Variants in ATRNL1 observed in about 807,000 individuals in gnomAD.
The protein encoded by ATRNL1 is attractin like 1, also known as attractin-like protein 1.
ATRNL1 carries 95 observed loss-of-function variants against 182.7 expected under a neutral mutation model. The observed-to-expected ratio is 0.52, with a 90% confidence interval of 0.44 to 0.62. The LOEUF (loss-of-function observed/expected upper bound fraction) is 0.62. Ranked by LOEUF, ATRNL1 falls within the 20% of genes least tolerant of loss-of-function variation. The pLI is 0.00. For synonymous variants in ATRNL1, 576 were observed against 568.3 expected, an observed-to-expected ratio of 1.01 and a Z score of -0.19; for missense variants, 1,471 against 1,679.5, an observed-to-expected ratio of 0.88 and a Z score of 2.17.
intron 8 of ATRNL1, among the ~76,000 whole-genome samples, chr10:115,215,325 T>C (rs1243454675): frequency 2.0e-5 from 3 of 152,202 alleles, no homozygotes; most frequent in African/African-American, 7.2e-5. Flanking sequence ...TCATATCATT[T>C]TATCTTTATA....
At chr10:115,380,587 G>A (rs1554950798) in intron 19 of ATRNL1, among the ~76,000 whole-genome samples, 4 of 151,876 alleles carry the variant, frequency 2.6e-5, no homozygotes, top group Non-Finnish European at 1.5e-5. Context: ...TATTTCTATA[G>A]GTTTTATTCT....
At chr10:115,567,772 T>A (rs1555002323) in intron 26 of ATRNL1, among the ~76,000 whole-genome samples, 2 of 152,278 alleles carry the variant, frequency 1.3e-5, no homozygotes, top group East Asian at 3.9e-4. Flanking sequence ...CTAGGAGGTA[T>A]TTTAATAGCA....
chr10:115,469,127 A>T (rs782033479), intron 23 of ATRNL1, 45 bp from the exon 24 acceptor site: 7 of 755,422 alleles, frequency 9.3e-6, no homozygotes, highest in Admixed American at 3.7e-5. Flanking sequence ...TTAAATTCAT[A>T]AAGATATTTC....
intron 28 of ATRNL1, among the ~76,000 whole-genome samples, chr10:115,850,745 C>T (rs1254201269): frequency 1.3e-5 from 2 of 152,220 alleles, no homozygotes; most frequent in Non-Finnish European, 2.9e-5. Context: ...TTAGCTTCAG[C>T]TAATTTCAGT....
intron 28 of ATRNL1, among the ~76,000 whole-genome samples, chr10:115,857,290 G>C (rs74744150): frequency 0.018 from 2,702 of 152,052 alleles, 91 homozygotes; most frequent in African/African-American, 0.062. Flanking sequence ...AGTTATACAG[G>C]GACTTTAAAC....
At chr10:115,356,761 T>C (rs1377100274) in intron 19 of ATRNL1, among the ~76,000 whole-genome samples, 6 of 151,974 alleles carry the variant, frequency 3.9e-5, no homozygotes, top group Admixed American at 6.6e-5. Flanking sequence ...GACTAAGCAT[T>C]ACTTCAACTT....
At chr10:115,437,154 G>A (rs969472731) in intron 21 of ATRNL1, among the ~76,000 whole-genome samples, 14 of 151,938 alleles carry the variant, frequency 9.2e-5, no homozygotes, top group African/African-American at 3.4e-4. Context: ...ACAAAGGTTC[G>A]TGACTAGAAA....
intron 5 of ATRNL1, among the ~76,000 whole-genome samples, chr10:115,137,485 A>T (rs1469473382): frequency 2.0e-5 from 3 of 152,202 alleles, no homozygotes; most frequent in Non-Finnish European, 4.4e-5. Context: ...TTTACAAAAG[A>T]AAGAGATTTA....
At chr10:115,312,402 T>C (rs1554928144) in intron 17 of ATRNL1, among the ~76,000 whole-genome samples, 1 of 152,216 alleles carries the variant, frequency 6.6e-6, no homozygotes, top group Non-Finnish European at 1.5e-5. Context: ...TGGCTGGCAG[T>C]TATTCTGCTT....
chr10:115,563,599 A>T (rs188264354), intron 26 of ATRNL1, among the ~76,000 whole-genome samples: 2 of 152,284 alleles, frequency 1.3e-5, no homozygotes, highest in Admixed American at 1.3e-4. Flanking sequence ...AGGAAAAAAA[A>T]GCTTTAAACA....
At position 115,507,678 on chromosome 10, in the gene ATRNL1, G is replaced by A. The variant is rs368274865; in HGVS notation, c.3655-11585G>A. 7.2e-5 allele frequency among the ~76,000 whole-genome samples: 11 copies of A among 152,132 alleles called. No homozygotes were observed. The South Asian group carries it at 1.2e-3, about 17-fold the overall frequency. Reference sequence around the variant, plus strand: ...CGGAGTATTAAGTCAGTTAATGTACGAAAAGTAATTAGCACAGTGCCTGGG... The same window carrying A: ...CGGAGTATTAAGTCAGTTAATGTACAAAAAGTAATTAGCACAGTGCCTGGG... On this transcript the variant is annotated intron_variant, in intron 24 of 28. Transcript: ENST00000355044.
chr10:115,505,590 C>G (rs1850070860), intron 24 of ATRNL1, among the ~76,000 whole-genome samples: 1 of 151,814 alleles, frequency 6.6e-6, no homozygotes, highest in Admixed American at 6.6e-5. Context: ...ATATTTTAAA[C>G]TATTTTAGGT....
At chr10:115,743,611 A>C (rs958957183) in intron 27 of ATRNL1, among the ~76,000 whole-genome samples, 3 of 152,164 alleles carry the variant, frequency 2.0e-5, no homozygotes, top group African/African-American at 7.2e-5. Flanking sequence ...TAGAAGTGAA[A>C]GGGAAAACTG....
In ATRNL1 at chr10:115,745,441, T is replaced by C. The variant is rs540428295; in HGVS notation, c.3903+18086T>C. On this transcript the variant is annotated intron_variant, in intron 27 of 28. Coordinates refer to ENST00000355044, the MANE Select transcript of ATRNL1 (RefSeq NM_207303.4). ...AATAAAGCTATCATTAATGTTTGCA[T>C]ACAGGTCTTTCTAATAAAATATGTT... Among the ~76,000 whole-genome samples the C allele has an allele frequency of 4.7e-4, 72 of 152,308 alleles. 2 individuals carry two copies. The South Asian group carries it at 0.015, about 31-fold the overall frequency.
At chr10:115,577,394 T>C (rs1555005655) in intron 26 of ATRNL1, among the ~76,000 whole-genome samples, 1 of 151,892 alleles carries the variant, frequency 6.6e-6, no homozygotes, top group Non-Finnish European at 1.5e-5. Flanking sequence ...TTCTTCAGTT[T>C]CTTTAATCAA....
At chr10:115,788,634 C>T (rs185582465) in intron 27 of ATRNL1, among the ~76,000 whole-genome samples, 45 of 152,290 alleles carry the variant, frequency 3.0e-4, no homozygotes, top group African/African-American at 8.7e-4. Context: ...TTAGTGCCCA[C>T]GGCTAATTAC....
chr10:115,112,237 C>T (rs1449173006), intron 1 of ATRNL1, among the ~76,000 whole-genome samples: 1 of 152,104 alleles, frequency 6.6e-6, no homozygotes, highest in East Asian at 1.9e-4. Flanking sequence ...CCAAAGTAAT[C>T]CACAGATTCT....
intron 5 of ATRNL1, among the ~76,000 whole-genome samples, chr10:115,150,029 G>T (rs537612213): frequency 6.6e-6 from 1 of 151,942 alleles, no homozygotes; most frequent in East Asian, 1.9e-4. Context: ...GTTTTTAATG[G>T]TCTGTTTAGG....
intron 28 of ATRNL1, among the ~76,000 whole-genome samples, chr10:115,893,084 G>A (rs1019876348): frequency 1.3e-5 from 2 of 152,154 alleles, no homozygotes; most frequent in African/African-American, 4.8e-5. Context: ...GGAAAATAAA[G>A]AATGTGTAGA....
Sources: allele counts gnomAD v4.1 joint callset (sites outside exome capture counted in the v4.1 genomes callset), GRCh38; gene constraint gnomAD v4.1.1; transcripts MANE v1.5; gene names NCBI Gene and HGNC (gene_info 2026-07-23, HGNC 2026-07-21).